Variants in MAP4K1 observed in about 807,000 individuals in gnomAD.
The protein encoded by MAP4K1 is MAPK/ERK kinase kinase kinase 1.
A neutral mutation model predicts 122.8 loss-of-function variants in MAP4K1; 35 were observed. The ratio of observed to expected loss-of-function variants is 0.29; its 90% CI spans 0.22 to 0.38. The LOEUF (loss-of-function observed/expected upper bound fraction) is 0.38. Ranked by LOEUF, MAP4K1 falls within the 10% of genes least tolerant of loss-of-function variation. MAP4K1 has a pLI of 1.00. For missense variants in MAP4K1, 791 were observed against 1,072.6 expected, an observed-to-expected ratio of 0.74 and a Z score of 3.67; for synonymous variants, 412 against 421.3, an observed-to-expected ratio of 0.98 and a Z score of 0.27.
rs959103246 is a variant in MAP4K1 at position 38,595,682 on chromosome 19, G to T, written c.2227C>A (p.Arg743Ser). The change falls in exon 28 of 31, where the codon CGC (arginine) becomes AGC (serine). Residue 743 changes from arginine to serine, a missense_variant. Arg to Ser is a moderately radical substitution (Grantham distance 110, BLOSUM62 -1). Coordinates refer to ENST00000396857, the MANE Select transcript of MAP4K1 (RefSeq NM_001042600.3). ...TCGGTCATGGGGATCTCAGGTGTGC[G>T]AAGTCCCCGGACTGGGGACCCCTCC... Reference protein sequence around the residue: ...TPEGSPVRGLRTPEIPMTEAV... With the variant: ...TPEGSPVRGLSTPEIPMTEAV... 1 of 1,612,880 alleles carries T rather than the reference G, an allele frequency of 6.2e-7. No individual in the cohort carries two copies. Among genetic ancestry groups the T allele is most frequent in the African/African-American group, 1.3e-5 (1 of 74,900 alleles).
At chr19:38,602,719 CACACATAT>C (rs1975126958) in intron 19 of MAP4K1, among the ~76,000 whole-genome samples, 2 of 148,472 alleles carry the variant, frequency 1.3e-5, no homozygotes, top group African/African-American at 5.0e-5. Context: ...TACATATATA[CACACATAT>C]ACATGTATAC....
At chr19:38,599,901 C>G in intron 22 of MAP4K1, 24 bp downstream of exon 22, 1 of 1,613,332 alleles carries the variant, frequency 6.2e-7, no homozygotes, top group Non-Finnish European at 8.5e-7. Flanking sequence ...CCGACCCCAT[C>G]CCACCTGCTA....
intron 8 of MAP4K1, among the ~76,000 whole-genome samples, chr19:38,613,585 C>T (rs1975563519): frequency 6.6e-6 from 1 of 151,422 alleles, no homozygotes; most frequent in Admixed American, 6.6e-5. Flanking sequence ...GAGACAGAAA[C>T]AAAGAGACAG....
chr19:38,605,778 G>A (rs1260184656), intron 17 of MAP4K1, 48 bp from the exon 18 acceptor site: 1 of 1,562,308 alleles, frequency 6.4e-7, no homozygotes, highest in Non-Finnish European at 8.6e-7. Flanking sequence ...GATGATCTCA[G>A]AGAGGGCACC....
rs1187220438 is a variant in MAP4K1 at position 38,605,466 on chromosome 19, G to T, written c.1389C>A (p.Ser463=). The T allele has an allele frequency of 3.1e-6, 5 of 1,597,746 alleles. No individual in the cohort carries two copies. In the African/African-American group the frequency reaches 4.0e-5, roughly 13 times the overall value. ...HSEPSLWNPP[S]RELDKPPLLP... ...GAAGTGGGGGCTTGTCAAGCTCCCG[G>T]GAGGGTGGGTTCCAGAGTGAGGGTT... Residue 463 remains serine (S), a synonymous_variant, in exon 19 of 31, where the codon TCC becomes TCA. Coordinates refer to ENST00000396857, the MANE Select transcript of MAP4K1 (RefSeq NM_001042600.3).
chr19:38,601,519 C>A lies in MAP4K1; in HGVS notation c.1453G>T (p.Ala485Ser), dbSNP rs780188843. 57 of 1,606,402 alleles carry A rather than the reference C, an allele frequency of 3.5e-5. No homozygotes were observed. The highest frequency in any genetic ancestry group is 4.6e-5 in the Non-Finnish European group (54 of 1,176,890). ...CCATTGAACAACTTTACGAGAAGGG[C>A]ACATCCCTGGGCAGGTCGCCGCGGG... The part of the protein sequence containing the change: ...KKEKMKRKGC[A>S]LLVKLFNGCP... Residue 485 changes from alanine (A) to serine (S), a missense_variant, in exon 20 of 31, where the codon GCC (alanine) becomes TCC (serine). Ala to Ser is a moderately conservative substitution (Grantham distance 99). Transcript: ENST00000396857.
Position 38,609,924 on chromosome 19 carries a change from C to G in MAP4K1, c.912G>C (p.Glu304Asp). Residue 304 changes from glutamate (E) to aspartate (D), a missense_variant, in exon 12 of 31, where the codon GAG (glutamate) becomes GAC (aspartate). Transcript: ENST00000396857. ...PGKGPSIGDI[E>D]DEEPELPPAI... is the part of the protein sequence containing the mutation. ...AGGCTCTCACCTCGGGCTCCTCATC[C>G]TCAATGTCCCCAATGGAGGGTCCTT... is the stretch of plus-strand genomic sequence containing the variant. 1 of 1,614,082 alleles carries G rather than the reference C, an allele frequency of 6.2e-7. No homozygotes were observed. Among genetic ancestry groups the G allele is most frequent in the Non-Finnish European group, 8.5e-7 (1 of 1,179,918 alleles).
chr19:38,616,516 T>C (rs61486503), intron 3 of MAP4K1, among the ~76,000 whole-genome samples: 9,438 of 152,174 alleles, frequency 0.062, 542 homozygotes, highest in African/African-American at 0.14. Flanking sequence ...GGGACCCCAC[T>C]GCCGTCCCAC....
At chr19:38,614,521 A>T in intron 4 of MAP4K1, 76 bp from the exon 5 acceptor site, 1 of 1,511,302 alleles carries the variant, frequency 6.6e-7, no homozygotes, top group Non-Finnish European at 9.2e-7. Context: ...CTGCCCCCCC[A>T]CACCAGCTAA....
At chr19:38,590,408 T>A (rs1331744654) in intron 30 of MAP4K1, among the ~76,000 whole-genome samples, 258 of 59,690 alleles carry the variant, frequency 4.3e-3, no homozygotes, top group African/African-American at 0.013. Flanking sequence ...TATATATATA[T>A]ATATATATAT....
chr19:38,596,589 G>A, intron 25 of MAP4K1, 103 bp from the exon 26 acceptor site: 1 of 987,340 alleles, frequency 1.0e-6, no homozygotes, highest in South Asian at 1.7e-5. Context: ...AGGGCCCTAA[G>A]TCTTGGGGGA....
In MAP4K1 at chr19:38,593,344, A is replaced by G. The variant is rs1332175755; in HGVS notation, c.2341-7T>C. ...CTCTCAGCTCCTGTAGCAGCTAGGG[A>G]AAAAAAGTGTGTGTCTCAGTGCCTG... is the stretch of plus-strand genomic sequence containing the variant. On this transcript the variant is annotated splice_region_variant and splice_polypyrimidine_tract_variant and intron_variant, in intron 29 of 30. Transcript: ENST00000396857. The G allele has an allele frequency of 7.5e-6, 12 of 1,603,068 alleles. No homozygotes were observed. In the African/African-American group the frequency reaches 1.2e-4, roughly 16 times the overall value.
Position 38,609,986 on chromosome 19 carries a change from T to C in MAP4K1, c.850A>G (p.Ile284Val). The C allele has an allele frequency of 6.2e-7, 1 of 1,614,166 alleles. No homozygotes were observed. The highest frequency in any genetic ancestry group is 8.5e-7 in the Non-Finnish European group (1 of 1,180,028). Residue 284 changes from isoleucine to valine, a missense_variant, in exon 12 of 31, where the codon ATC becomes GTC. Transcript: ENST00000396857. ...VSQPGLNRGL[I>V]LDLLDKLKNP... ...TTCAGTTTGTCAAGAAGATCCAGGA[T>C]CAGGCCTCGATTCAGCCCAGGCTGG...
chr19:38,610,906 C>T (rs1437199480), intron 11 of MAP4K1, 145 bp downstream of exon 11: 10 of 706,982 alleles, frequency 1.4e-5, no homozygotes, highest in African/African-American at 7.1e-5. Context: ...CTCTGGTGGT[C>T]GGGGGTGGTC....
At position 38,596,343 on chromosome 19, in the gene MAP4K1, C is replaced by A; in HGVS notation, c.2085G>T (p.Ala695=). The A allele has an allele frequency of 6.3e-7, 1 of 1,598,154 alleles. No individual in the cohort carries two copies. ...SVLFHTVRFG[A]LSCWLGEMST... ...TCATCTCGCCCAGCCAGCAAGAGAG[C>A]GCGCCAAAGCGCACCGTGTGGAAGA... Residue 695 remains alanine, a synonymous_variant, in exon 26 of 31, where the codon GCG becomes GCT. Coordinates refer to ENST00000396857, the MANE Select transcript of MAP4K1 (RefSeq NM_001042600.3).
chr19:38,603,382 A>G (rs533517656), intron 19 of MAP4K1, among the ~76,000 whole-genome samples: 80 of 150,844 alleles, frequency 5.3e-4, no homozygotes, highest in Non-Finnish European at 8.7e-4. Flanking sequence ...ACATATATAC[A>G]CATGTACATA....
At position 38,587,819 on chromosome 19, in the gene MAP4K1, T is replaced by C; in HGVS notation, c.2397-2A>G. On this transcript the variant is annotated splice_acceptor_variant, in intron 30 of 30. Transcript: ENST00000396857. LOFTEE classifies it high-confidence loss of function. Reference sequence around the variant, plus strand: ...GGGCGTGTCTCCACCACTACAGGCCTGTGGAAGGAAGAGATAAGTCAGTTC... The same window carrying C: ...GGGCGTGTCTCCACCACTACAGGCCCGTGGAAGGAAGAGATAAGTCAGTTC... 1 of 1,611,524 alleles carries C rather than the reference T, an allele frequency of 6.2e-7. No individual in the cohort carries two copies. The highest frequency in any genetic ancestry group is 8.5e-7 in the Non-Finnish European group (1 of 1,177,618).
intron 30 of MAP4K1, among the ~76,000 whole-genome samples, chr19:38,591,198 G>GAAA (rs371942137): frequency 1.4e-5 from 2 of 141,732 alleles, no homozygotes; most frequent in African/African-American, 5.1e-5. Flanking sequence ...CTCAAGAAAA[G>GAAA]AAAAAAAAAA....
At chr19:38,590,394 A>AAAT (rs1974685413) in intron 30 of MAP4K1, among the ~76,000 whole-genome samples, 2 of 17,296 alleles carry the variant, frequency 1.2e-4, no homozygotes, top group Non-Finnish European at 2.1e-4. Context: ...AAAAAAAAAA[A>AAAT]ATATATATAT....
Sources: gnomAD v4.1 joint callset for allele counts (sites outside exome capture counted in the v4.1 genomes callset) on GRCh38, gnomAD v4.1.1 for gene constraint, MANE v1.5 for transcripts, NCBI Gene and HGNC (gene_info 2026-07-23, HGNC 2026-07-21) for gene names.